MICU3: variants seen among roughly 807,000 people sequenced by gnomAD.
MICU3 encodes calcium uptake protein 3, mitochondrial.
A neutral mutation model predicts 66.5 loss-of-function variants in MICU3; 62 were observed. The observed-to-expected ratio is 0.93, with a 90% confidence interval of 0.76 to 1.15. The LOEUF is 1.15. MICU3 is among the 50% of genes most tolerant of loss of function. The pLI is 0.00. For synonymous variants in MICU3, 308 were observed against 240.7 expected (o/e 1.28, Z -2.59); for missense variants, 779 against 664.4 (o/e 1.17, Z -1.90).
the MICU3 span, among the ~76,000 whole-genome samples, chr8:17,137,968 G>T: frequency 7.9e-5 from 12 of 151,940 alleles, no homozygotes; most frequent in Non-Finnish European, 2.9e-5. Flanking sequence ...GCCTGCCTCA[G>T]CCTTCCAAAG....
intron 1 of MICU3, among the ~76,000 whole-genome samples, chr8:17,036,733 T>A (rs1004527233): frequency 6.6e-6 from 1 of 152,210 alleles, no homozygotes; most frequent in African/African-American, 2.4e-5. Context: ...CCCACCAGAC[T>A]CAGGAGCCCA....
At chr8:17,037,500 T>G (rs890555398) in intron 1 of MICU3, among the ~76,000 whole-genome samples, 4 of 152,152 alleles carry the variant, frequency 2.6e-5, no homozygotes, top group African/African-American at 9.6e-5. Flanking sequence ...CCTTGGAGGT[T>G]TCCATGTGGT....
intron 10 of MICU3, among the ~76,000 whole-genome samples, 194 bp downstream of exon 10, chr8:17,104,685 A>G (rs564194770): frequency 2.0e-5 from 3 of 152,068 alleles, no homozygotes; most frequent in Admixed American, 1.3e-4. Context: ...ACAGGAAGTT[A>G]CTGAATTTTT....
In MICU3 at chr8:17,027,571, C is replaced by T. The variant is rs1404527433; in HGVS notation, c.292C>T (p.Arg98Ter). The T allele has an allele frequency of 1.6e-6, 2 of 1,280,978 alleles. No individual in the cohort carries two copies. The highest frequency in any genetic ancestry group is 2.6e-5 in the South Asian group (1 of 38,122). 79.4% of individuals were successfully genotyped at this position (1,280,978 alleles called of 1,614,324 possible). A position where few individuals can be genotyped will look rare whatever the true frequency, so the allele number is the denominator to read the frequency against. The change falls in exon 1 of 15, where the codon CGA (arginine) becomes TGA (stop). Residue 98 changes from arginine (R) to a stop codon, truncating the protein, a stop_gained. Transcript: ENST00000318063. LOFTEE classifies it high-confidence loss of function. ...DPRAGSPATG[R>*]PSKSAATEPE... ...CAGGGCCGGCTCGCCGGCGACCGGG[C>T]GACCCTCAAAGAGCGCGGCCACGGA... is the stretch of plus-strand genomic sequence containing the variant.
At chr8:17,054,933 T>G (rs1816687353) in intron 1 of MICU3, among the ~76,000 whole-genome samples, 1 of 151,930 alleles carries the variant, frequency 6.6e-6, no homozygotes, top group Admixed American at 6.6e-5. Context: ...GAGATGGGGT[T>G]TCACTATGTT....
At chr8:17,091,640 C>A (rs2150763300) in intron 8 of MICU3, among the ~76,000 whole-genome samples, 1 of 152,088 alleles carries the variant, frequency 6.6e-6, no homozygotes, top group South Asian at 2.1e-4. Flanking sequence ...GGTAGAGAAA[C>A]AAGCCAAGTC....
chr8:17,136,713 C>A, the MICU3 span, among the ~76,000 whole-genome samples: 2 of 152,036 alleles, frequency 1.3e-5, no homozygotes, highest in African/African-American at 4.8e-5. Flanking sequence ...AGGAGTTGGG[C>A]AGGGCATACG....
At chr8:17,131,119 A>G in the MICU3 span, 6 of 152,244 alleles carry the variant, frequency 3.9e-5, no homozygotes, top group South Asian at 2.1e-4. Context: ...CCATTTAAAC[A>G]AGGAAATTTT....
rs147270855 is a variant in MICU3, at chr8:17,081,974, G to T, written c.694+234G>T. The T allele has an allele frequency of 5.5e-5, 17 of 311,306 alleles. No individual in the cohort carries two copies. In the East Asian group the frequency reaches 1.8e-3, roughly 33 times the overall value. 19.3% of individuals were successfully genotyped at this position (311,306 alleles called of 1,614,324 possible). On this transcript the variant is annotated intron_variant, in intron 5 of 14. Coordinates refer to ENST00000318063, the MANE Select transcript of MICU3 (RefSeq NM_181723.3). Reference sequence around the variant, plus strand: ...TCATAAATTATAAATTTAATATTACGTGTCAATTCTTGTGGTTTTAATCTA... The same window carrying T: ...TCATAAATTATAAATTTAATATTACTTGTCAATTCTTGTGGTTTTAATCTA...
At chr8:17,132,670 G>T in the MICU3 span, 1 of 152,188 alleles carries the variant, frequency 6.6e-6, no homozygotes, top group Non-Finnish European at 1.5e-5. Flanking sequence ...CTCCAATTCA[G>T]TGGAACCATT....
In MICU3 at chr8:17,077,857, A is replaced by G; in HGVS notation, c.642A>G (p.Glu214=). Residue 214 remains glutamate, a synonymous_variant, in exon 4 of 15, where the codon GAA becomes GAG. Transcript: ENST00000318063. ...GSSKLFRNLK[E]KGVISYTEYL... ...CGAAGCTATTTCGAAATCTTAAAGA[A>G]AAAGGTGAGTTAACCTTAGTACTTG... 6.2e-7 allele frequency: 1 copy of G among 1,605,646 alleles called. No individual in the cohort carries two copies.
At chr8:17,064,854 G>A (rs1818441181) in intron 2 of MICU3, among the ~76,000 whole-genome samples, 1 of 152,012 alleles carries the variant, frequency 6.6e-6, no homozygotes, top group South Asian at 2.1e-4. Context: ...TATTTTAATT[G>A]CCTTTTTAGA....
chr8:17,054,738 C>CTTTTTTTTTTTTTTTT (rs559605289), intron 1 of MICU3, among the ~76,000 whole-genome samples: 3 of 122,738 alleles, frequency 2.4e-5, no homozygotes, highest in East Asian at 2.6e-4. Context: ...TTCTTTCTTT[C>CTTTTTTTTTTTTTTTT]TTTTTTTTTT....
intron 1 of MICU3, among the ~76,000 whole-genome samples, chr8:17,036,937 G>A (rs1403922699): frequency 5.3e-5 from 8 of 152,258 alleles, no homozygotes; most frequent in Non-Finnish European, 1.2e-4. Flanking sequence ...AGGCATGGCG[G>A]GCTGCAGGTC....
At chr8:17,106,454 G>C (rs1801745247) in intron 11 of MICU3, among the ~76,000 whole-genome samples, 1 of 150,918 alleles carries the variant, frequency 6.6e-6, no homozygotes, top group Non-Finnish European at 1.5e-5. Context: ...CCAATTCATA[G>C]GTACTTCCCT....
chr8:17,122,482 T>C lies in MICU3; in HGVS notation c.*2195T>C, dbSNP rs910615749. On this transcript the variant is annotated 3_prime_UTR_variant, in exon 15 of 15. Coordinates refer to ENST00000318063, the MANE Select transcript of MICU3 (RefSeq NM_181723.3). ...CATATTAAACTTTTTACAGAAAGCA[T>C]ACATGATAAACAGTTTATGGTACTT... The C allele has an allele frequency of 1.3e-5, 2 of 151,930 alleles. No individual in the cohort carries two copies. Among genetic ancestry groups the C allele is most frequent in the African/African-American group, 2.4e-5 (1 of 41,450 alleles). 9.4% of individuals were successfully genotyped at this position (151,930 alleles called of 1,614,324 possible).
Position 17,027,265 on chromosome 8 carries a change from T to G in MICU3, c.-15T>G. Reference sequence around the variant, plus strand: ...TCTCTGCCCCCTCCCAGCTCTGGTGTGGGCGGCCTCCGCTATGGCTGCGCT... The same window carrying G: ...TCTCTGCCCCCTCCCAGCTCTGGTGGGGGCGGCCTCCGCTATGGCTGCGCT... On this transcript the variant is annotated 5_prime_UTR_variant, in exon 1 of 15. Transcript: ENST00000318063. The G allele has an allele frequency of 2.8e-6, 3 of 1,065,264 alleles. No homozygotes were observed. The highest frequency in any genetic ancestry group is 3.5e-6 in the Non-Finnish European group (3 of 865,898). The allele number at this position is 1,065,264 out of a possible 1,614,324, so 66.0% of individuals were successfully genotyped here.
intron 1 of MICU3, among the ~76,000 whole-genome samples, chr8:17,037,383 C>T (rs10105603): frequency 0.06 from 9,114 of 152,282 alleles, 930 homozygotes; most frequent in African/African-American, 0.21. Context: ...CACCTCTCAC[C>T]TTGCTGCTTT....
chr8:17,112,051 G>C (rs1802246936), intron 11 of MICU3, among the ~76,000 whole-genome samples: 1 of 146,968 alleles, frequency 6.8e-6, no homozygotes. Context: ...ACTATCACGA[G>C]AACAGCATGG....
Sources: allele counts gnomAD v4.1 joint callset (sites outside exome capture counted in the v4.1 genomes callset), GRCh38; gene constraint gnomAD v4.1.1; transcripts MANE v1.5; gene names NCBI Gene and HGNC (gene_info 2026-07-23, HGNC 2026-07-21).